FOXJ3: variants seen among roughly 807,000 people sequenced by gnomAD.
The protein encoded by FOXJ3 is forkhead box protein J3.
A neutral mutation model predicts 76.1 loss-of-function variants in FOXJ3; 22 were observed. The ratio of observed to expected loss-of-function variants is 0.29; its 90% CI spans 0.21 to 0.41. FOXJ3 has a LOEUF of 0.41. Among genes scored for constraint, FOXJ3 ranks in the 10% least tolerant of loss-of-function variants. The probability of loss-of-function intolerance (pLI) is 1.00; values close to 1 mark genes in which losing one functional copy is unlikely to be tolerated. For missense variants in FOXJ3, 613 were observed against 762.1 expected (o/e 0.80, Z 2.30); for synonymous variants, 269 against 261.2 (o/e 1.03, Z -0.29).
chr1:42,244,101 T>C (rs1177253199), intron 4 of FOXJ3, among the ~76,000 whole-genome samples: 1 of 151,908 alleles, frequency 6.6e-6, no homozygotes, highest in Non-Finnish European at 1.5e-5. Flanking sequence ...AAGAAGGAAA[T>C]AAAAAACTTT....
At chr1:42,323,248 T>C (rs539381915) in intron 1 of FOXJ3, among the ~76,000 whole-genome samples, 9 of 152,180 alleles carry the variant, frequency 5.9e-5, no homozygotes, top group Non-Finnish European at 1.2e-4. Context: ...TAAACACTTT[T>C]TTTCTCTAAA....
At chr1:42,318,026 T>C (rs1181067445) in intron 1 of FOXJ3, among the ~76,000 whole-genome samples, 1 of 152,174 alleles carries the variant, frequency 6.6e-6, no homozygotes, top group African/African-American at 2.4e-5. Flanking sequence ...ATTCAGTGAA[T>C]GAATAAACCA....
Position 42,199,153 on chromosome 1 carries a change from A to G in FOXJ3, c.708T>C (p.Ser236=). 1.2e-6 allele frequency: 2 copies of G among 1,613,530 alleles called. No homozygotes were observed. The highest frequency in any genetic ancestry group is 1.7e-6 in the Non-Finnish European group (2 of 1,179,492). ...CACTGTTCAAATTAACAGATGCCAA[A>G]CTCTGGTCTGAGAGACTGTTGTTAA... ...SSLNNSLSDQ[S]LASVNLNSVG... The change falls in exon 7 of 13, where the codon AGT becomes AGC. Residue 236 remains serine (S), a synonymous_variant. Transcript: ENST00000361346.
chr1:42,284,763 G>A (rs971303997), intron 2 of FOXJ3, among the ~76,000 whole-genome samples: 1 of 152,196 alleles, frequency 6.6e-6, no homozygotes, highest in Non-Finnish European at 1.5e-5. Flanking sequence ...TAACTTGGAT[G>A]AAGGAAAATA....
chr1:42,211,657 G>A (rs994751431), intron 5 of FOXJ3, among the ~76,000 whole-genome samples: 3 of 152,082 alleles, frequency 2.0e-5, no homozygotes, highest in South Asian at 2.1e-4. Flanking sequence ...TTAAATGCAC[G>A]CCACTGGGGA....
In FOXJ3 at chr1:42,265,192, G is replaced by A; in HGVS notation, c.370-3C>T. 1 of 1,538,960 alleles carries A rather than the reference G, an allele frequency of 6.5e-7. No individual in the cohort carries two copies. Among genetic ancestry groups the A allele is most frequent in the South Asian group, 1.2e-5 (1 of 83,236 alleles). On this transcript the variant is annotated splice_polypyrimidine_tract_variant and splice_region_variant and intron_variant, in intron 3 of 12. Coordinates refer to ENST00000361346, the MANE Select transcript of FOXJ3 (RefSeq NM_014947.5). ...GACAGATTATGTCGTATGGAATTCT[G>A]GAATTAAAGAAGAAAAGCCATAAGG...
intron 2 of FOXJ3, among the ~76,000 whole-genome samples, chr1:42,282,668 T>G (rs985027977): frequency 6.6e-6 from 1 of 152,172 alleles, no homozygotes; most frequent in African/African-American, 2.4e-5. Flanking sequence ...GGATAAGGAA[T>G]AAGGGCCTTC....
intron 1 of FOXJ3, among the ~76,000 whole-genome samples, chr1:42,329,376 T>A (rs1266690554): frequency 6.6e-6 from 1 of 152,202 alleles, no homozygotes; most frequent in African/African-American, 2.4e-5. Context: ...ATGCTTTGGT[T>A]CTTATTTGTG....
intron 1 of FOXJ3, among the ~76,000 whole-genome samples, chr1:42,312,928 T>C (rs895768602): frequency 3.3e-5 from 5 of 152,202 alleles, no homozygotes; most frequent in African/African-American, 1.2e-4. Context: ...ACTACTTTTT[T>C]AACCACAGCA....
chr1:42,211,391 C>G (rs1336573982), intron 5 of FOXJ3, among the ~76,000 whole-genome samples: 2 of 152,034 alleles, frequency 1.3e-5, no homozygotes, highest in Non-Finnish European at 2.9e-5. Context: ...AACATCTGGT[C>G]AGGAGTGTGA....
At chr1:42,276,711 GAT>G (rs1652290365) in intron 3 of FOXJ3, among the ~76,000 whole-genome samples, 1 of 152,076 alleles carries the variant, frequency 6.6e-6, no homozygotes. Context: ...TTTACAAAGT[GAT>G]AAATAGTAAA....
chr1:42,321,914 T>C (rs552698835), intron 1 of FOXJ3, among the ~76,000 whole-genome samples: 17 of 152,288 alleles, frequency 1.1e-4, no homozygotes, highest in Admixed American at 1.0e-3. Flanking sequence ...CAAGGCATGA[T>C]GCATTGGAGG....
At chr1:42,211,249 T>A (rs1646960872) in intron 5 of FOXJ3, among the ~76,000 whole-genome samples, 1 of 152,070 alleles carries the variant, frequency 6.6e-6, no homozygotes, top group South Asian at 2.1e-4. Flanking sequence ...CACTTTGGGG[T>A]AACTGCATCC....
intron 4 of FOXJ3, among the ~76,000 whole-genome samples, chr1:42,261,450 A>G (rs1651032589): frequency 6.6e-6 from 1 of 152,098 alleles, no homozygotes; most frequent in Non-Finnish European, 1.5e-5. Flanking sequence ...AATTAGTTGT[A>G]AAGAGGTGAG....
At chr1:42,262,739 C>A (rs1194448882) in intron 4 of FOXJ3, among the ~76,000 whole-genome samples, 2 of 152,146 alleles carry the variant, frequency 1.3e-5, no homozygotes, top group Non-Finnish European at 2.9e-5. Flanking sequence ...GTCCCAGCTA[C>A]TCAGGAGGCT....
At chr1:42,276,424 C>G (rs1159409659) in intron 3 of FOXJ3, among the ~76,000 whole-genome samples, 3 of 151,962 alleles carry the variant, frequency 2.0e-5, no homozygotes, top group Non-Finnish European at 4.4e-5. Context: ...TATAACCTAC[C>G]AATGAATGCT....
intron 4 of FOXJ3, among the ~76,000 whole-genome samples, chr1:42,262,624 C>G (rs1484255720): frequency 1.3e-5 from 2 of 152,016 alleles, no homozygotes. Context: ...CGAGGTGGTC[C>G]TATCACTTGA....
At chr1:42,229,426 CT>C (rs1647876506) in intron 4 of FOXJ3, among the ~76,000 whole-genome samples, 1 of 152,158 alleles carries the variant, frequency 6.6e-6, no homozygotes, top group East Asian at 1.9e-4. Context: ...GGAAAAAAAG[CT>C]GTTTAACAAA....
In FOXJ3 at chr1:42,188,805, C is replaced by G; in HGVS notation, c.1577G>C (p.Ser526Thr). Residue 526 changes from serine to threonine, a missense_variant, in exon 11 of 13, where the codon AGT becomes ACT. By Grantham distance (58) the Ser-to-Thr change is moderately conservative. Coordinates refer to ENST00000361346, the MANE Select transcript of FOXJ3 (RefSeq NM_014947.5). The part of the protein sequence containing the change: ...FTQTGLIHSQ[S>T]NVQQNVCHGA... ...ATGACAAACATTTTGTTGAACATTA[C>G]TCTGTGAATGTATAAGGCCAGTTTG... 1 of 1,612,656 alleles carries G rather than the reference C, an allele frequency of 6.2e-7. No homozygotes were observed. The highest frequency in any genetic ancestry group is 8.5e-7 in the Non-Finnish European group (1 of 1,179,182).
Sources: gnomAD v4.1 joint callset for allele counts (sites outside exome capture counted in the v4.1 genomes callset) on GRCh38, gnomAD v4.1.1 for gene constraint, MANE v1.5 for transcripts, NCBI Gene and HGNC (gene_info 2026-07-23, HGNC 2026-07-21) for gene names.